Variants in GABRA2 observed in about 807,000 individuals in gnomAD.
GABRA2 encodes gamma-aminobutyric acid type A receptor subunit alpha2.
In GABRA2, 16 loss-of-function variants were observed where a neutral mutation model predicts 48.7. The ratio of observed to expected loss-of-function variants is 0.33; its 90% CI spans 0.22 to 0.50. The LOEUF (loss-of-function observed/expected upper bound fraction) is 0.50. Among genes scored for constraint, GABRA2 ranks in the 20% least tolerant of loss-of-function variants. The probability of loss-of-function intolerance (pLI) is 0.98; values close to 1 mark genes in which losing one functional copy is unlikely to be tolerated. For missense variants in GABRA2, 275 were observed against 535.6 expected (o/e 0.51, Z 4.80); for synonymous variants, 185 against 184.5 (o/e 1.00, Z -0.02).
At chr4:46,270,742 T>C (rs555577074) in intron 8 of GABRA2, among the ~76,000 whole-genome samples, 75 of 152,108 alleles carry the variant, frequency 4.9e-4, no homozygotes, top group Middle Eastern at 3.4e-3. Context: ...TATATCAAGG[T>C]ATAGGCCAAA....
chr4:46,272,243 C>T (rs1183631996), intron 8 of GABRA2, among the ~76,000 whole-genome samples: 1 of 151,686 alleles, frequency 6.6e-6, no homozygotes, highest in African/African-American at 2.4e-5. Flanking sequence ...AACTGTAAAC[C>T]CCAATAAATT....
At chr4:46,345,459 TAC>T (rs1733989886) in intron 3 of GABRA2, among the ~76,000 whole-genome samples, 1 of 151,836 alleles carries the variant, frequency 6.6e-6, no homozygotes, top group South Asian at 2.1e-4. Context: ...ACTGGAAGTG[TAC>T]AGAGTTTATG....
At chr4:46,390,168 G>T, upstream of GABRA2, 1 of 307,604 alleles carries the variant, frequency 3.3e-6, no homozygotes, top group Non-Finnish European at 4.7e-6. Context: ...GGCTAAGGAG[G>T]TTCCCGGGAA....
At chr4:46,311,734 A>G (rs1430440130) in intron 5 of GABRA2, among the ~76,000 whole-genome samples, 2 of 152,242 alleles carry the variant, frequency 1.3e-5, no homozygotes, top group African/African-American at 4.8e-5. Flanking sequence ...AAGCCTTATT[A>G]AATGAAGCTT....
At chr4:46,308,801 C>T (rs1012590670) in intron 6 of GABRA2, among the ~76,000 whole-genome samples, 1 of 151,958 alleles carries the variant, frequency 6.6e-6, no homozygotes, top group Non-Finnish European at 1.5e-5. Context: ...GTGCTTATTT[C>T]ATTTTCAGAA....
At chr4:46,370,593 C>T (rs940002921) in intron 3 of GABRA2, among the ~76,000 whole-genome samples, 1 of 152,042 alleles carries the variant, frequency 6.6e-6, no homozygotes, top group Non-Finnish European at 1.5e-5. Flanking sequence ...GCATTCATTA[C>T]TATCTTACTT....
In GABRA2 at chr4:46,303,646, T is replaced by C. The variant is rs757911930; in HGVS notation, c.704-34A>G. 4.4e-6 allele frequency: 7 copies of C among 1,582,632 alleles called. 1 individual carries two copies. The South Asian group carries it at 7.8e-5, about 18-fold the overall frequency. ...AAAATTTAAGAAGCTCAAGGAGTAA[T>C]AGTCAATACTTTGAACATTTAGGAA... is the stretch of plus-strand genomic sequence containing the variant. On this transcript the variant is annotated intron_variant, in intron 7 of 9. Transcript: ENST00000381620.
At chr4:46,314,161 C>T (rs1728155985) in intron 4 of GABRA2, among the ~76,000 whole-genome samples, 1 of 151,940 alleles carries the variant, frequency 6.6e-6, no homozygotes, top group African/African-American at 2.4e-5. Flanking sequence ...AAATGATGAA[C>T]AAAGAGATGA....
At chr4:46,292,173 C>G (rs1723793812) in intron 8 of GABRA2, among the ~76,000 whole-genome samples, 1 of 152,096 alleles carries the variant, frequency 6.6e-6, no homozygotes, top group Non-Finnish European at 1.5e-5. Flanking sequence ...GTTGGCTGCT[C>G]CTAAGTTCAC....
In GABRA2 at chr4:46,273,524, TATATATATATATGA is replaced by T. The variant is rs61263070; in HGVS notation, c.857-11410_857-11397del. 5.7e-3 allele frequency among the ~76,000 whole-genome samples: 210 copies of T among 36,564 alleles called. 6 individuals carry two copies. The highest frequency in any genetic ancestry group is 0.024 in the African/African-American group (193 of 8,140). 24.0% of individuals were successfully genotyped at this position (36,564 alleles called of 152,430 possible). On this transcript the variant is annotated intron_variant, in intron 8 of 9. Coordinates refer to ENST00000381620, the MANE Select transcript of GABRA2 (RefSeq NM_000807.4). Reference sequence around the variant, plus strand: ...ATGCATATATATATATATATATATATATATATATATATGAGAGAGAGAGGGATACGTTTTGGAAA... The same window carrying T: ...ATGCATATATATATATATATATATATGAGAGAGAGGGATACGTTTTGGAAA...
At chr4:46,305,947 T>C (rs1404482865) in intron 6 of GABRA2, among the ~76,000 whole-genome samples, 2 of 152,126 alleles carry the variant, frequency 1.3e-5, no homozygotes, top group African/African-American at 4.8e-5. Flanking sequence ...CTTTGAAAGG[T>C]GAAGAGCAAA....
intron 3 of GABRA2, among the ~76,000 whole-genome samples, chr4:46,345,543 A>G (rs1011779924): frequency 6.6e-6 from 1 of 151,840 alleles, no homozygotes; most frequent in Non-Finnish European, 1.5e-5. Context: ...CTCTCCCCAT[A>G]AGTAGAGACA....
chr4:46,343,744 G>A (rs995021882), intron 3 of GABRA2, among the ~76,000 whole-genome samples: 1 of 151,882 alleles, frequency 6.6e-6, no homozygotes, highest in African/African-American at 2.4e-5. Context: ...TTGTTATAAA[G>A]ATTAAATGAG....
chr4:46,286,435 T>A (rs555982710), intron 8 of GABRA2, among the ~76,000 whole-genome samples: 1 of 152,100 alleles, frequency 6.6e-6, no homozygotes, highest in East Asian at 1.9e-4. Flanking sequence ...TGTGTGAACA[T>A]ATATTTTTAT....
intron 3 of GABRA2, among the ~76,000 whole-genome samples, chr4:46,357,070 G>C (rs1299729505): frequency 3.3e-5 from 5 of 151,660 alleles, no homozygotes; most frequent in Admixed American, 2.0e-4. Flanking sequence ...ACACAGGCCT[G>C]TCATTTAGGC....
chr4:46,336,211 C>A (rs1430915730), intron 3 of GABRA2, among the ~76,000 whole-genome samples: 1 of 152,044 alleles, frequency 6.6e-6, no homozygotes, highest in Non-Finnish European at 1.5e-5. Context: ...GATCTTTTTC[C>A]AAAATATATC....
intron 8 of GABRA2, among the ~76,000 whole-genome samples, chr4:46,277,049 C>T (rs969274234): frequency 2.0e-5 from 3 of 152,026 alleles, no homozygotes; most frequent in Non-Finnish European, 4.4e-5. Flanking sequence ...TAATTCCCCC[C>T]TATGTCCTTA....
chr4:46,262,456 C>T (rs1717176525), intron 8 of GABRA2, among the ~76,000 whole-genome samples: 1 of 152,046 alleles, frequency 6.6e-6, no homozygotes, highest in Non-Finnish European at 1.5e-5. Flanking sequence ...CAAGGAAAAG[C>T]AGGCACTTTA....
At chr4:46,343,054 T>C (rs1008035553) in intron 3 of GABRA2, among the ~76,000 whole-genome samples, 2 of 151,946 alleles carry the variant, frequency 1.3e-5, no homozygotes, top group Non-Finnish European at 2.9e-5. Context: ...ACTTAAGACT[T>C]TGTTGAAAGA....
Sources: allele counts gnomAD v4.1 joint callset (sites outside exome capture counted in the v4.1 genomes callset), GRCh38; gene constraint gnomAD v4.1.1; transcripts MANE v1.5; gene names NCBI Gene and HGNC (gene_info 2026-07-23, HGNC 2026-07-21).